The following SLC11A1 variants were observed in gnomAD, a reference collection of about 807,000 sequenced individuals.
The protein encoded by SLC11A1 is solute carrier family 11 member 1, also known as natural resistance-associated macrophage protein 1.
A neutral mutation model predicts 63.2 loss-of-function variants in SLC11A1; 59 were observed. That is an observed-to-expected ratio of 0.93 (90% CI 0.76 to 1.16). The LOEUF (loss-of-function observed/expected upper bound fraction) is 1.16, where lower values mean the gene tolerates loss of function less well. Ranked by LOEUF, SLC11A1 falls within the 50% of genes most tolerant of loss-of-function variation. SLC11A1 has a pLI of 0.00. For missense variants in SLC11A1, 688 were observed against 730.7 expected, an observed-to-expected ratio of 0.94 and a Z score of 0.67; for synonymous variants, 305 against 307.8, an observed-to-expected ratio of 0.99 and a Z score of 0.09.
chr2:218,396,297 CT>C lies in SLC11A1; in HGVS notation c.*1265del, dbSNP rs1696760441. 6.6e-6 allele frequency: 1 copy of C among 152,374 alleles called. No homozygotes were observed. Among genetic ancestry groups the C allele is most frequent in the African/African-American group, 2.4e-5 (1 of 41,488 alleles). 9.4% of individuals were successfully genotyped at this position (152,374 alleles called of 1,614,324 possible). The stretch of plus-strand genomic sequence containing the variant: ...CCATTCGCCCCATTCAGGGGCTGCA[CT>C]TTATAGACGTTCCCTAGGCTGTTTC... On this transcript the variant is annotated 3_prime_UTR_variant, in exon 15 of 15. Transcript: ENST00000233202.
In SLC11A1 at chr2:218,384,779, G is replaced by A; in HGVS notation, c.274-368G>A. 3.9e-6 allele frequency: 1 copy of A among 258,730 alleles called. No homozygotes were observed. The highest frequency in any genetic ancestry group is 7.6e-6 in the Non-Finnish European group (1 of 130,886). 16.0% of individuals were successfully genotyped at this position (258,730 alleles called of 1,614,324 possible). A position where few individuals can be genotyped will look rare whatever the true frequency, so the allele number is the denominator to read the frequency against. Reference sequence around the variant, plus strand: ...ATTTTTGTATTTTTAGTAGAGATGGGGTTTCACTGTGTGGGCCAGGCTGGT... The same window carrying A: ...ATTTTTGTATTTTTAGTAGAGATGGAGTTTCACTGTGTGGGCCAGGCTGGT... On this transcript the variant is annotated intron_variant, in intron 3 of 14. Coordinates refer to ENST00000233202, the MANE Select transcript of SLC11A1 (RefSeq NM_000578.4). This position sits in a 1 kb window ranked among gnomAD's most constrained non-coding sequence, Gnocchi z 4.0.
chr2:218,382,835 A>C, intron 1 of SLC11A1, 125 bp from the exon 2 acceptor site: 1 of 1,200,092 alleles, frequency 8.3e-7, no homozygotes, highest in Non-Finnish European at 1.2e-6. Context: ...GATGGACCCA[A>C]GATGGGGGCC....
At chr2:218,387,047 G>A in intron 5 of SLC11A1, 113 bp from the exon 6 acceptor site, 2 of 955,342 alleles carry the variant, frequency 2.1e-6, no homozygotes, top group Non-Finnish European at 3.4e-6. Flanking sequence ...CTGTCTGGGG[G>A]CGCTTAGGGT....
chr2:218,386,262 G>A (rs887993146), intron 4 of SLC11A1, among the ~76,000 whole-genome samples: 4 of 152,122 alleles, frequency 2.6e-5, no homozygotes, highest in Non-Finnish European at 5.9e-5. Context: ...AGACCAGCCT[G>A]ACCAACATGG....
Position 218,391,285 on chromosome 2 carries a change from G to T in SLC11A1, c.1042G>T (p.Gly348Trp). ...CACCGTGGCCGTGGACATTTACCAGGGGGTGAGCGCGGGTGGGTGGGGAGG... is the reference window on the plus strand; with the variant it reads ...CACCGTGGCCGTGGACATTTACCAGTGGGTGAGCGCGGGTGGGTGGGGAGG... Reference protein sequence around the residue: ...NATVAVDIYQGGVILGCLFGP... With the variant: ...NATVAVDIYQWGVILGCLFGP... Residue 348 changes from glycine to tryptophan, a missense_variant and splice_region_variant, in exon 10 of 15, where the codon GGG (glycine) becomes TGG (tryptophan). Physicochemically the swap from Gly to Trp is radical, Grantham distance 184 (BLOSUM62 -2). Coordinates refer to ENST00000233202, the MANE Select transcript of SLC11A1 (RefSeq NM_000578.4). 6.2e-7 allele frequency: 1 copy of T among 1,614,130 alleles called. No individual in the cohort carries two copies. The highest frequency in any genetic ancestry group is 8.5e-7 in the Non-Finnish European group (1 of 1,179,982).
Position 218,395,076 on chromosome 2 carries a change from G to T in SLC11A1, c.*41G>T. 6.8e-7 allele frequency: 1 copy of T among 1,466,952 alleles called. No individual in the cohort carries two copies. Among genetic ancestry groups the T allele is most frequent in the South Asian group, 1.2e-5 (1 of 83,654 alleles). 90.9% of individuals were successfully genotyped at this position (1,466,952 alleles called of 1,614,324 possible). ...TGGCTGGGAGTGGCATGTATGACGT[G>T]ACTGGCCTGCTGGATGTGGAGGGGG... On this transcript the variant is annotated 3_prime_UTR_variant, in exon 15 of 15. Transcript: ENST00000233202.
At chr2:218,388,402 T>G in intron 8 of SLC11A1, 1 of 166,408 alleles carries the variant, frequency 6.0e-6, no homozygotes, top group East Asian at 1.9e-4. Context: ...AAAAAGTGTC[T>G]ACTGTGCGCT....
Position 218,385,603 on chromosome 2 carries a change from C to T in SLC11A1, c.393+337C>T, listed in dbSNP as rs1380257934. 1.0e-5 allele frequency: 4 copies of T among 384,938 alleles called. No homozygotes were observed. In the East Asian group the frequency reaches 2.1e-4, roughly 20 times the overall value. 23.8% of individuals were successfully genotyped at this position (384,938 alleles called of 1,614,324 possible). A position where few individuals can be genotyped will look rare whatever the true frequency, so the allele number is the denominator to read the frequency against. On this transcript the variant is annotated intron_variant, in intron 4 of 14. Transcript: ENST00000233202. Reference sequence around the variant, plus strand: ...CTGGGGTTTCACCATGTTGGCCAGGCTGGTCTCAAACTCCTGACCTCAGAT... The same window carrying T: ...CTGGGGTTTCACCATGTTGGCCAGGTTGGTCTCAAACTCCTGACCTCAGAT...
At chr2:218,389,806 G>A (rs1352374216) in intron 8 of SLC11A1, 64 bp from the exon 9 acceptor site, 6 of 1,523,984 alleles carry the variant, frequency 3.9e-6, no homozygotes, top group South Asian at 2.5e-5. Context: ...GAAGTGTGAG[G>A]GTGGGGGACA....
chr2:218,382,291 GC>G lies in SLC11A1; in HGVS notation c.-75del, dbSNP rs2106326665. ...GGCTGGCACACTTACTTGCACCAGT[GC>G]CCAGAGAGGGGGTGCAGGCTGAGGA... On this transcript the variant is annotated 5_prime_UTR_variant, in exon 1 of 15. Coordinates refer to ENST00000233202, the MANE Select transcript of SLC11A1 (RefSeq NM_000578.4). The G allele has an allele frequency of 6.5e-7, 1 of 1,546,656 alleles. No homozygotes were observed. The highest frequency in any genetic ancestry group is 8.9e-7 in the Non-Finnish European group (1 of 1,127,204).
intron 9 of SLC11A1, among the ~76,000 whole-genome samples, chr2:218,390,659 T>C (rs1282632661): frequency 6.6e-6 from 1 of 152,048 alleles, no homozygotes; most frequent in African/African-American, 2.4e-5. Context: ...TCCCTGGGTC[T>C]CACTCTGTTC....
At chr2:218,389,043 G>A (rs934118175) in intron 8 of SLC11A1, among the ~76,000 whole-genome samples, 6 of 151,862 alleles carry the variant, frequency 4.0e-5, no homozygotes, top group African/African-American at 1.5e-4. Context: ...CCTGGAGGTC[G>A]AGGCTGCAGT....
Position 218,395,041 on chromosome 2 carries a change from C to T in SLC11A1, c.*6C>T, listed in dbSNP as rs1366441817. 1.9e-6 allele frequency: 3 copies of T among 1,578,460 alleles called. No individual in the cohort carries two copies. Among genetic ancestry groups the T allele is most frequent in the Admixed American group, 1.7e-5 (1 of 57,534 alleles). On this transcript the variant is annotated 3_prime_UTR_variant, in exon 15 of 15. Transcript: ENST00000233202. Reference sequence around the variant, plus strand: ...AAGGGGAGACCTCTGGCTAGGCCCACACCAGGGCCTGGCTGGGAGTGGCAT... The same window carrying T: ...AAGGGGAGACCTCTGGCTAGGCCCATACCAGGGCCTGGCTGGGAGTGGCAT...
intron 9 of SLC11A1, 84 bp downstream of exon 9, chr2:218,390,112 T>G: frequency 7.3e-7 from 1 of 1,369,610 alleles, no homozygotes; most frequent in African/African-American, 1.5e-5. Context: ...GCAATGCAGC[T>G]GAGCCCTTCT....
rs962877952 is a variant in SLC11A1, at chr2:218,387,861, C to G, written c.701C>G (p.Pro234Arg). The G allele has an allele frequency of 6.2e-7, 1 of 1,601,420 alleles. No homozygotes were observed. Residue 234 changes from proline to arginine, a missense_variant, in exon 8 of 15, where the codon CCG becomes CGG. Coordinates refer to ENST00000233202, the MANE Select transcript of SLC11A1 (RefSeq NM_000578.4). ...CGGGGCCTGTTCCTGCCCTCGTGCC[C>G]GGGCTGCGGCCACCCCGAGCTGCTG... ...LLRGLFLPSC[P>R]GCGHPELLQA... is the part of the protein sequence containing the mutation.
In SLC11A1 at chr2:218,394,124, C is replaced by T. The variant is rs777161870; in HGVS notation, c.1319C>T (p.Pro440Leu). 1.1e-5 allele frequency: 18 copies of T among 1,613,902 alleles called. No individual in the cohort carries two copies. The highest frequency in any genetic ancestry group is 3.3e-5 in the Admixed American group (2 of 59,990). ...GGCTCCTGCTGCTCTCCCCAGCTCC[C>T]GTTCGCCGTGCTGCCCATCCTCACG... ...LLNVLQSLLL[P>L]FAVLPILTFT... The change falls in exon 13 of 15, where the codon CCG (proline) becomes CTG (leucine). Residue 440 changes from proline (P) to leucine (L), a missense_variant. By Grantham distance (98) the Pro-to-Leu change is moderately conservative. Transcript: ENST00000233202.
At chr2:218,386,586 A>C in intron 4 of SLC11A1, 49 bp from the exon 5 acceptor site, 1 of 1,334,040 alleles carries the variant, frequency 7.5e-7, no homozygotes. Flanking sequence ...CTGAGACGAC[A>C]GGCAAATAAC....
chr2:218,391,866 G>A (rs376164670), intron 11 of SLC11A1: 4 of 261,512 alleles, frequency 1.5e-5, no homozygotes, highest in Admixed American at 5.1e-5. Flanking sequence ...CAAGTGATCC[G>A]CCTGCCTTGG....
Position 218,395,017 on chromosome 2 carries a change from A to G in SLC11A1, c.1635A>G (p.Lys545=). Residue 545 remains lysine, a synonymous_variant, in exon 15 of 15, where the codon AAA becomes AAG. Coordinates refer to ENST00000233202, the MANE Select transcript of SLC11A1 (RefSeq NM_000578.4). Reference sequence around the variant, plus strand: ...ATGGGCTCCTTGAAGAGGACCAGAAAGGGGAGACCTCTGGCTAGGCCCACA... The same window carrying G: ...ATGGGCTCCTTGAAGAGGACCAGAAGGGGGAGACCTCTGGCTAGGCCCACA... The part of the protein sequence containing the change: ...FLYGLLEEDQ[K]GETSG 9.3e-6 allele frequency: 15 copies of G among 1,607,888 alleles called. No individual in the cohort carries two copies. Among genetic ancestry groups the G allele is most frequent in the Non-Finnish European group, 1.3e-5 (15 of 1,176,884 alleles).
Sources: allele counts gnomAD v4.1 joint callset (sites outside exome capture counted in the v4.1 genomes callset), GRCh38; gene constraint gnomAD v4.1.1; non-coding constraint Gnocchi (gnomAD v3.1); transcripts MANE v1.5; gene names NCBI Gene and HGNC (gene_info 2026-07-23, HGNC 2026-07-21).